The following SETBP1 variants were observed in gnomAD, a reference collection of about 807,000 sequenced individuals.
SETBP1 encodes SET binding protein 1.
A neutral mutation model predicts 101.0 loss-of-function variants in SETBP1; 9 were observed. That is an observed-to-expected ratio of 0.09 (90% CI 0.05 to 0.16). SETBP1 has a LOEUF of 0.16. Ranked by LOEUF, SETBP1 falls within the 10% of genes least tolerant of loss-of-function variation. The pLI is 1.00. For missense variants in SETBP1, 1,858 were observed against 2,033.8 expected (o/e 0.91, Z 1.66); for synonymous variants, 818 against 788.5 (o/e 1.04, Z -0.63).
chr18:45,019,554 C>T (rs1267634499), intron 4 of SETBP1, among the ~76,000 whole-genome samples: 1 of 152,166 alleles, frequency 6.6e-6, no homozygotes, highest in Admixed American at 6.5e-5. Context: ...CTGGTTTCAG[C>T]TTCCTTTCTT....
At chr18:44,990,730 A>G (rs1417169732) in intron 4 of SETBP1, among the ~76,000 whole-genome samples, 1 of 152,142 alleles carries the variant, frequency 6.6e-6, no homozygotes, top group Admixed American at 6.5e-5. Flanking sequence ...TAATACTAGG[A>G]ATAGCATAGA....
intron 2 of SETBP1, among the ~76,000 whole-genome samples, chr18:44,847,112 G>A (rs2072740711): frequency 1.3e-5 from 2 of 152,224 alleles, no homozygotes; most frequent in African/African-American, 2.4e-5. Flanking sequence ...AAATATGTTA[G>A]AGTTGGAACC....
chr18:44,787,244 A>T (rs1568144142), intron 2 of SETBP1, among the ~76,000 whole-genome samples: 1 of 152,218 alleles, frequency 6.6e-6, no homozygotes, highest in African/African-American at 2.4e-5. Context: ...AGCTTAATTC[A>T]ATATCATACA....
At chr18:44,853,942 C>A (rs1242045042) in intron 2 of SETBP1, among the ~76,000 whole-genome samples, 1 of 152,134 alleles carries the variant, frequency 6.6e-6, no homozygotes, top group Non-Finnish European at 1.5e-5. Flanking sequence ...CTCAGGAAAG[C>A]CTTCCTTGAC....
At chr18:44,826,618 G>A (rs2072244673) in intron 2 of SETBP1, among the ~76,000 whole-genome samples, 1 of 152,120 alleles carries the variant, frequency 6.6e-6, no homozygotes, top group Non-Finnish European at 1.5e-5. Flanking sequence ...GAATTGAAGT[G>A]GAGGATTTTT....
intron 4 of SETBP1, among the ~76,000 whole-genome samples, chr18:44,975,043 C>G (rs1174357221): frequency 6.6e-6 from 1 of 152,146 alleles, no homozygotes; most frequent in African/African-American, 2.4e-5. Flanking sequence ...ACACGTGGCC[C>G]TCTTATCAAT....
At chr18:44,696,003 C>T (rs1339441981) in intron 1 of SETBP1, among the ~76,000 whole-genome samples, 2 of 152,058 alleles carry the variant, frequency 1.3e-5, no homozygotes, top group Non-Finnish European at 2.9e-5. Flanking sequence ...CCACCTTGTC[C>T]TTTTGGAAAG....
chr18:44,936,921 A>G (rs1384709188), intron 3 of SETBP1, among the ~76,000 whole-genome samples: 1 of 152,216 alleles, frequency 6.6e-6, no homozygotes, highest in Non-Finnish European at 1.5e-5. Flanking sequence ...ACAGCAGCCA[A>G]GAGGGTGACC....
At position 44,701,477 on chromosome 18, in the gene SETBP1, C is replaced by T; in HGVS notation, c.131C>T (p.Pro44Leu). The part of the protein sequence containing the change: ...AGEPLLSTPG[P>L]GKGIPVGGER... ...GAACCTTTGCTCTCCACTCCAGGAC[C>T]TGGGAAGGGGATCCCGGTGGGCGGA... is the stretch of plus-strand genomic sequence containing the variant. The change falls in exon 2 of 6, where the codon CCT (proline) becomes CTT (leucine). Residue 44 changes from proline (P) to leucine (L), a missense_variant. Transcript: ENST00000649279. 6.2e-7 allele frequency: 1 copy of T among 1,613,796 alleles called. No homozygotes were observed. Among genetic ancestry groups the T allele is most frequent in the Non-Finnish European group, 8.5e-7 (1 of 1,179,768 alleles).
chr18:44,947,669 G>T (rs923546069), intron 3 of SETBP1, among the ~76,000 whole-genome samples: 1 of 151,960 alleles, frequency 6.6e-6, no homozygotes, highest in African/African-American at 2.4e-5. Context: ...ACCAAGCCTG[G>T]CTAATTTTGT....
intron 3 of SETBP1, among the ~76,000 whole-genome samples, chr18:44,899,858 T>C (rs1443069176): frequency 6.6e-6 from 1 of 152,100 alleles, no homozygotes; most frequent in East Asian, 1.9e-4. Context: ...ATTTAATAAA[T>C]ATTATGATTA....
At chr18:44,999,830 A>G (rs2072579889) in intron 4 of SETBP1, among the ~76,000 whole-genome samples, 1 of 152,248 alleles carries the variant, frequency 6.6e-6, no homozygotes, top group South Asian at 2.1e-4. Context: ...ATTGACAATG[A>G]AACTAATAAG....
intron 3 of SETBP1, 76 bp from the exon 4 acceptor site, chr18:44,949,805 T>C (rs1014848658): frequency 1.7e-6 from 2 of 1,173,858 alleles, no homozygotes; most frequent in Non-Finnish European, 2.5e-6. Context: ...TGATGTCAAA[T>C]ATTAAGTAGC....
At chr18:44,767,440 A>G (rs1306194327) in intron 2 of SETBP1, among the ~76,000 whole-genome samples, 1 of 152,236 alleles carries the variant, frequency 6.6e-6, no homozygotes, top group African/African-American at 2.4e-5. Context: ...AGGAGTCACC[A>G]CCTGTGACTT....
intron 3 of SETBP1, chr18:44,870,043 G>C (rs12327040): frequency 0.88 from 134,216 of 153,348 alleles, 58,887 homozygotes; most frequent in African/African-American, 0.92. Context: ...GGCCCCTGCC[G>C]CTGTCCCCCT....
intron 1 of SETBP1, among the ~76,000 whole-genome samples, chr18:44,693,706 A>T (rs909047871): frequency 4.6e-5 from 7 of 152,212 alleles, no homozygotes; most frequent in Admixed American, 2.6e-4. Flanking sequence ...TAGGCCAATG[A>T]GTCTAGGTTG....
In SETBP1 at chr18:44,948,516, G is replaced by GATAGATAGATAGATAA. The variant is rs1442291518; in HGVS notation, c.541-1351_541-1350insAAATAGATAGATAGAT. Reference sequence around the variant, plus strand: ...AAGATAGATGATAGATAGATAGATAGATAGATAGATAGATGATAGATAGAT... The same window carrying GATAGATAGATAGATAA: ...AAGATAGATGATAGATAGATAGATAGATAGATAGATAGATAAATAGATAGATAGATGATAGATAGAT... On this transcript the variant is annotated intron_variant, in intron 3 of 5. Transcript: ENST00000649279. 8.5e-5 allele frequency among the ~76,000 whole-genome samples: 13 copies of GATAGATAGATAGATAA among 152,134 alleles called. No homozygotes were observed. In the East Asian group the frequency reaches 1.2e-3, roughly 14 times the overall value.
At chr18:44,990,887 A>G (rs1003567218) in intron 4 of SETBP1, among the ~76,000 whole-genome samples, 1 of 150,542 alleles carries the variant, frequency 6.6e-6, no homozygotes, top group Non-Finnish European at 1.5e-5. Context: ...CACTAAACAG[A>G]TAGAACTAAA....
intron 5 of SETBP1, among the ~76,000 whole-genome samples, 167 bp downstream of exon 5, chr18:45,038,822 G>C (rs945857131): frequency 5.3e-5 from 8 of 152,116 alleles, no homozygotes; most frequent in African/African-American, 1.9e-4. Flanking sequence ...AGTGGGAGGA[G>C]ATCTGAGAAA....
Sources: gnomAD v4.1 joint callset for allele counts (sites outside exome capture counted in the v4.1 genomes callset) on GRCh38, gnomAD v4.1.1 for gene constraint, MANE v1.5 for transcripts, NCBI Gene and HGNC (gene_info 2026-07-23, HGNC 2026-07-21) for gene names.